Variants in NFIA observed in about 807,000 individuals in gnomAD.
NFIA encodes nuclear factor 1 A-type.
Under a neutral mutation model 62.8 loss-of-function variants are expected in NFIA, and 8 were observed. The ratio of observed to expected loss-of-function variants is 0.13; its 90% CI spans 0.07 to 0.23. The LOEUF is 0.23. NFIA is among the 10% of genes least tolerant of loss of function. NFIA has a pLI of 1.00. For missense variants in NFIA, 410 were observed against 642.1 expected (o/e 0.64, Z 3.91); for synonymous variants, 235 against 238.1 (o/e 0.99, Z 0.12).
intron 6 of NFIA, among the ~76,000 whole-genome samples, chr1:61,376,802 A>T (rs1262869573): frequency 6.6e-6 from 1 of 152,224 alleles, no homozygotes; most frequent in African/African-American, 2.4e-5. Flanking sequence ...CTGGATCTGC[A>T]GTACCATCTA....
At chr1:61,346,599 T>C (rs1365373217) in intron 4 of NFIA, among the ~76,000 whole-genome samples, 1 of 152,140 alleles carries the variant, frequency 6.6e-6, no homozygotes, top group Non-Finnish European at 1.5e-5. Flanking sequence ...GTGTCAAATT[T>C]CCATTGTAAA....
At chr1:61,448,693 C>A (rs949300704) in intron 10 of NFIA, among the ~76,000 whole-genome samples, 5 of 152,188 alleles carry the variant, frequency 3.3e-5, no homozygotes, top group Non-Finnish European at 4.4e-5. Flanking sequence ...GCTCTTACGG[C>A]TATGCACACA....
intron 3 of NFIA, among the ~76,000 whole-genome samples, chr1:61,296,181 A>T (rs1358002475): frequency 6.6e-6 from 1 of 152,236 alleles, no homozygotes; most frequent in Non-Finnish European, 1.5e-5. Context: ...AGCCAAAACA[A>T]ATAAATACAA....
chr1:61,106,954 A>G (rs992941262), intron 2 of NFIA, among the ~76,000 whole-genome samples: 11 of 126,902 alleles, frequency 8.7e-5, no homozygotes, highest in African/African-American at 1.4e-4. Flanking sequence ...ATATACATAC[A>G]TATATATATA....
chr1:61,152,364 CCTG>C (rs1314745593), intron 2 of NFIA, among the ~76,000 whole-genome samples: 1 of 152,112 alleles, frequency 6.6e-6, no homozygotes, highest in Admixed American at 6.5e-5. Context: ...GAGGTAAATC[CCTG>C]CTTTTTCAAA....
intron 3 of NFIA, among the ~76,000 whole-genome samples, chr1:61,301,174 TAA>T (rs1557692597): frequency 6.6e-6 from 1 of 151,448 alleles, no homozygotes; most frequent in Non-Finnish European, 1.5e-5. Context: ...GGTGATATGC[TAA>T]CAGTCAGTGC....
intron 2 of NFIA, among the ~76,000 whole-genome samples, chr1:61,251,943 G>T (rs2100213387): frequency 6.6e-6 from 1 of 152,222 alleles, no homozygotes; most frequent in East Asian, 1.9e-4. Context: ...GTAGATAGAG[G>T]TATCAATTCA....
chr1:61,190,822 C>T (rs1215186499), intron 2 of NFIA, among the ~76,000 whole-genome samples: 1 of 152,116 alleles, frequency 6.6e-6, no homozygotes, highest in African/African-American at 2.4e-5. Flanking sequence ...CTTGCAACAC[C>T]AACTTCTTTT....
intron 4 of NFIA, among the ~76,000 whole-genome samples, chr1:61,338,356 G>C (rs1661727301): frequency 6.6e-6 from 1 of 152,240 alleles, no homozygotes; most frequent in Admixed American, 6.5e-5. Context: ...GAGTGGGAGT[G>C]AATGGAACCA....
intron 4 of NFIA, among the ~76,000 whole-genome samples, chr1:61,351,427 A>G (rs1662544836): frequency 6.6e-6 from 1 of 152,160 alleles, no homozygotes; most frequent in Non-Finnish European, 1.5e-5. Context: ...CTAACCTGTA[A>G]TTTATTTATT....
intron 2 of NFIA, among the ~76,000 whole-genome samples, chr1:61,123,544 A>G (rs1436510912): frequency 6.6e-6 from 1 of 152,186 alleles, no homozygotes; most frequent in African/African-American, 2.4e-5. Context: ...GAAATGACAT[A>G]AGTCTGTATA....
chr1:61,326,881 G>T (rs1464280046), intron 3 of NFIA, among the ~76,000 whole-genome samples: 1 of 151,974 alleles, frequency 6.6e-6, no homozygotes, highest in Non-Finnish European at 1.5e-5. Context: ...GCAACGAGGA[G>T]CTTGCAGTTC....
At chr1:61,256,220 G>C (rs758152813) in intron 2 of NFIA, among the ~76,000 whole-genome samples, 5 of 152,050 alleles carry the variant, frequency 3.3e-5, no homozygotes, top group Non-Finnish European at 7.4e-5. Context: ...TTGAGGTGAG[G>C]TCAGGAGTTC....
At chr1:61,309,434 C>T (rs1396156728) in intron 3 of NFIA, among the ~76,000 whole-genome samples, 2 of 152,016 alleles carry the variant, frequency 1.3e-5, no homozygotes, top group Non-Finnish European at 2.9e-5. Context: ...TATTTTATCT[C>T]CCTTCCTCCT....
rs556762875 is a variant in NFIA, at chr1:61,297,929, A to G, written c.625+20344A>G. Among the ~76,000 whole-genome samples, 6 of 152,260 alleles carry G rather than the reference A, an allele frequency of 3.9e-5. No homozygotes were observed. The South Asian group carries it at 1.2e-3, about 32-fold the overall frequency. On this transcript the variant is annotated intron_variant, in intron 3 of 10. Coordinates refer to ENST00000403491, the MANE Select transcript of NFIA (RefSeq NM_001134673.4). ...CCCCCAAAGGCATAGTGTGGTCTGA[A>G]AGTTTATGATGAGCTTGGATAATCG... is the stretch of plus-strand genomic sequence containing the variant.
intron 2 of NFIA, among the ~76,000 whole-genome samples, chr1:61,193,959 C>T (rs1417382664): frequency 1.3e-5 from 2 of 152,102 alleles, no homozygotes; most frequent in Admixed American, 1.3e-4. Context: ...AACTTTTGGA[C>T]CCAATTAACT....
chr1:61,249,202 T>C (rs928842412), intron 2 of NFIA: 2 of 152,154 alleles, frequency 1.3e-5, no homozygotes, highest in African/African-American at 4.8e-5. Context: ...AAAAGGTGCT[T>C]ACATACTTAC....
intron 3 of NFIA, among the ~76,000 whole-genome samples, chr1:61,280,970 G>A (rs1394628502): frequency 6.6e-6 from 1 of 152,166 alleles, no homozygotes; most frequent in Non-Finnish European, 1.5e-5. Context: ...GAGGCCAGGT[G>A]CAGTGGCTCA....
intron 10 of NFIA, among the ~76,000 whole-genome samples, chr1:61,451,504 C>A (rs1272845333): frequency 6.6e-6 from 1 of 152,134 alleles, no homozygotes; most frequent in Non-Finnish European, 1.5e-5. Context: ...CTGCAGATTT[C>A]TTTTGATGTT....
Sources: allele counts gnomAD v4.1 joint callset (sites outside exome capture counted in the v4.1 genomes callset), GRCh38; gene constraint gnomAD v4.1.1; transcripts MANE v1.5; gene names NCBI Gene and HGNC (gene_info 2026-07-23, HGNC 2026-07-21).